Variants in TAF10 observed in about 807,000 individuals in gnomAD.
TAF10 encodes TATA-box binding protein associated factor 10.
In TAF10, 2 loss-of-function variants were observed where a neutral mutation model predicts 18.1. The ratio of observed to expected loss-of-function variants is 0.11; its 90% CI spans 0.05 to 0.35. The LOEUF is 0.35. Among genes scored for constraint, TAF10 ranks in the 10% least tolerant of loss-of-function variants. TAF10 has a pLI of 1.00. For missense variants in TAF10, 293 were observed against 306.9 expected (o/e 0.95, Z 0.34); for synonymous variants, 158 against 134.6 (o/e 1.17, Z -1.20).
Position 6,609,629 on chromosome 11 carries a change from T to C in TAF10, c.*1293A>G, listed in dbSNP as rs762044821. The C allele has an allele frequency of 4.3e-6, 7 of 1,614,072 alleles. No individual in the cohort carries two copies. The East Asian group carries it at 1.1e-4, about 26-fold the overall frequency. On this transcript the variant is annotated 3_prime_UTR_variant, in exon 5 of 5. Transcript: ENST00000299424. ...ATGGATCCCTCTACAATGTACTACA[T>C]GAAGGCACCAGTGAGTAGGGATGTT...
chr11:6,609,198 T>C lies in TAF10; in HGVS notation c.*1724A>G, dbSNP rs748636699. ...TTGCCCTTCCCTCACTAAACCCCCATAAATTACTTGCTTTGTACCTGTTTT... is the reference window on the plus strand; with the variant it reads ...TTGCCCTTCCCTCACTAAACCCCCACAAATTACTTGCTTTGTACCTGTTTT... On this transcript the variant is annotated 3_prime_UTR_variant, in exon 5 of 5. Coordinates refer to ENST00000299424, the MANE Select transcript of TAF10 (RefSeq NM_006284.4). 53 of 1,599,764 alleles carry C rather than the reference T, an allele frequency of 3.3e-5. No homozygotes were observed. In the East Asian group the frequency reaches 1.1e-3, roughly 33 times the overall value.
chr11:6,610,078 CAGA>C lies in TAF10; in HGVS notation c.*841_*843del, dbSNP rs760605987. On this transcript the variant is annotated 3_prime_UTR_variant, in exon 5 of 5. Coordinates refer to ENST00000299424, the MANE Select transcript of TAF10 (RefSeq NM_006284.4). The stretch of plus-strand genomic sequence containing the variant: ...GTCGGGAGGTAAAAAAGGACCACCT[CAGA>C]AGTAGTGGAAGGGGGCAGAGACAGG... 3 of 1,614,092 alleles carry C rather than the reference CAGA, an allele frequency of 1.9e-6. No homozygotes were observed. Among genetic ancestry groups the C allele is most frequent in the Admixed American group, 3.3e-5 (2 of 60,022 alleles).
chr11:6,610,222 C>A lies in TAF10; in HGVS notation c.*700G>T. The A allele has an allele frequency of 3.7e-6, 6 of 1,614,232 alleles. No homozygotes were observed. The highest frequency in any genetic ancestry group is 5.1e-6 in the Non-Finnish European group (6 of 1,180,048). On this transcript the variant is annotated 3_prime_UTR_variant, in exon 5 of 5. Transcript: ENST00000299424. ...GAGTTTTGCAGTGCTTCTGTGGGAA[C>A]TGGTGACACGGGAGGTACCCTTTGC...
intron 1 of TAF10, 64 bp downstream of exon 1, chr11:6,611,893 GC>G (rs1465958600): frequency 5.1e-6 from 8 of 1,555,298 alleles, no homozygotes; most frequent in Non-Finnish European, 6.9e-6. Flanking sequence ...TATACCCTCT[GC>G]CCTCACCCGC....
intron 4 of TAF10, 59 bp from the exon 5 acceptor site, chr11:6,611,070 TG>T (rs944899816): frequency 6.2e-7 from 1 of 1,600,594 alleles, no homozygotes; most frequent in African/African-American, 1.3e-5. Flanking sequence ...CAATCCCAGA[TG>T]GGTGACCCTG....
Position 6,611,791 on chromosome 11 carries a change from G to A in TAF10, c.260C>T (p.Pro87Leu), listed in dbSNP as rs775610021. 1.0e-5 allele frequency: 16 copies of A among 1,603,588 alleles called. No homozygotes were observed. The East Asian group carries it at 1.6e-4, about 16-fold the overall frequency. The change falls in exon 2 of 5, where the codon CCC (proline) becomes CTC (leucine). Residue 87 changes from proline to leucine, a missense_variant. Physicochemically the swap from Pro to Leu is moderately conservative, Grantham distance 98. Coordinates refer to ENST00000299424, the MANE Select transcript of TAF10 (RefSeq NM_006284.4). ...AAPVSAGGAA[P>L]PEGAISNGVY... ...CCCGTTAGATATGGCCCCCTCCGGG[G>A]GCGCCGCGCCACCCGCCGACACCGG...
rs1257374860 is a variant in TAF10 at position 6,610,173 on chromosome 11, A to C, written c.*749T>G. On this transcript the variant is annotated 3_prime_UTR_variant, in exon 5 of 5. Coordinates refer to ENST00000299424, the MANE Select transcript of TAF10 (RefSeq NM_006284.4). ...CTCTGCAGAAGAAGCCTGAAGACAC[A>C]AACAGACGCTCAGCAGACATGTGGA... is the stretch of plus-strand genomic sequence containing the variant. 2 of 1,614,232 alleles carry C rather than the reference A, an allele frequency of 1.2e-6. No homozygotes were observed. The highest frequency in any genetic ancestry group is 1.7e-6 in the Non-Finnish European group (2 of 1,180,032).
At position 6,608,589 on chromosome 11, in the gene TAF10, T is replaced by C. The variant is rs1855176078; in HGVS notation, c.*2333A>G. The stretch of plus-strand genomic sequence containing the variant: ...TCAACCCATTCTGTCAGTACTACTG[T>C]GTGACACTTACAGGATTAAGTTCTA... On this transcript the variant is annotated 3_prime_UTR_variant, in exon 5 of 5. Transcript: ENST00000299424. This position sits in a 1 kb window ranked among gnomAD's most constrained non-coding sequence, Gnocchi z 4.9. 1.4e-5 allele frequency: 19 copies of C among 1,328,842 alleles called. No individual in the cohort carries two copies. The South Asian group carries it at 2.2e-4, about 16-fold the overall frequency. The allele number at this position is 1,328,842 out of a possible 1,614,324, so 82.3% of individuals were successfully genotyped here. A position where few individuals can be genotyped will look rare whatever the true frequency, so the allele number is the denominator to read the frequency against.
Position 6,609,374 on chromosome 11 carries a change from A to G in TAF10, c.*1548T>C. ...GGTTCGAGACTGGAGTACAAGGAAG[A>G]GCAGGGACTTCAATGAAGAGTGTCC... On this transcript the variant is annotated 3_prime_UTR_variant, in exon 5 of 5. Coordinates refer to ENST00000299424, the MANE Select transcript of TAF10 (RefSeq NM_006284.4). 1 of 1,614,094 alleles carries G rather than the reference A, an allele frequency of 6.2e-7. No individual in the cohort carries two copies. The highest frequency in any genetic ancestry group is 8.5e-7 in the Non-Finnish European group (1 of 1,180,024).
Position 6,608,165 on chromosome 11 carries a change from C to T in TAF10, c.*2757G>A, listed in dbSNP as rs1306619165. ...GTAATGAACCGTGGGGATGACACCC[C>T]CCTGCATCTGGCAGCCAGTCATGGA... On this transcript the variant is annotated 3_prime_UTR_variant, in exon 5 of 5. Transcript: ENST00000299424. The surrounding 1 kb of genome is among the most constrained non-coding windows in gnomAD (Gnocchi z 4.9). The T allele has an allele frequency of 6.2e-7, 1 of 1,614,034 alleles. No homozygotes were observed. The highest frequency in any genetic ancestry group is 8.5e-7 in the Non-Finnish European group (1 of 1,180,042).
Position 6,608,298 on chromosome 11 carries a change from G to C in TAF10, c.*2624C>G. The stretch of plus-strand genomic sequence containing the variant: ...CTGTAACATACAGTAGAAAGCATGT[G>C]TGCTCTTCCCCCTTTTCCCATGCCC... On this transcript the variant is annotated 3_prime_UTR_variant, in exon 5 of 5. Transcript: ENST00000299424. The surrounding 1 kb of genome is among the most constrained non-coding windows in gnomAD (Gnocchi z 4.9). 5 of 1,572,768 alleles carry C rather than the reference G, an allele frequency of 3.2e-6. No individual in the cohort carries two copies. The highest frequency in any genetic ancestry group is 4.4e-6 in the Non-Finnish European group (5 of 1,142,408).
chr11:6,611,905 C>A, intron 1 of TAF10, 53 bp downstream of exon 1: 1 of 1,570,608 alleles, frequency 6.4e-7, no homozygotes, highest in African/African-American at 1.4e-5. Context: ...CCTCACCCGC[C>A]GCTGGACCCA....
rs781296730 is a variant in TAF10, at chr11:6,608,119, A to G, written c.*2803T>C. The G allele has an allele frequency of 2.5e-6, 4 of 1,614,038 alleles. No individual in the cohort carries two copies. The highest frequency in any genetic ancestry group is 3.4e-6 in the Non-Finnish European group (4 of 1,180,022). ...CTCTGCTGTGGTTGAGATGTTGATC[A>G]TGCGGGGGGCACGGATCAATGTAAT... On this transcript the variant is annotated 3_prime_UTR_variant, in exon 5 of 5. Coordinates refer to ENST00000299424, the MANE Select transcript of TAF10 (RefSeq NM_006284.4). This position sits in a 1 kb window ranked among gnomAD's most constrained non-coding sequence, Gnocchi z 4.9.
Position 6,607,900 on chromosome 11 carries a change from A to T in TAF10, c.*3022T>A, listed in dbSNP as rs1274852452. On this transcript the variant is annotated 3_prime_UTR_variant, in exon 5 of 5. Transcript: ENST00000299424. ...GCTCAGGGGAAGGTCTGAAATGGAC[A>T]GCTTTGGGAGTTGCTGGCATGAATG... is the stretch of plus-strand genomic sequence containing the variant. 3.8e-6 allele frequency: 3 copies of T among 784,768 alleles called. No individual in the cohort carries two copies. Among genetic ancestry groups the T allele is most frequent in the Non-Finnish European group, 6.3e-6 (3 of 476,536 alleles). 48.6% of individuals were successfully genotyped at this position (784,768 alleles called of 1,614,324 possible).
intron 2 of TAF10, 104 bp from the exon 3 acceptor site, chr11:6,611,556 A>C: frequency 1.3e-6 from 2 of 1,595,334 alleles, no homozygotes; most frequent in Admixed American, 3.4e-5. Context: ...GCAGAGGGCA[A>C]ACACAGAAGA....
rs752932911 is a variant in TAF10, at chr11:6,608,195, G to A, written c.*2727C>T. 6 of 1,614,182 alleles carry A rather than the reference G, an allele frequency of 3.7e-6. No individual in the cohort carries two copies. The highest frequency in any genetic ancestry group is 1.7e-5 in the Admixed American group (1 of 60,028). ...CATCTGGCAGCCAGTCATGGACACC[G>A]TGATATTGTACAGAAGGTACGTACA... On this transcript the variant is annotated 3_prime_UTR_variant, in exon 5 of 5. Coordinates refer to ENST00000299424, the MANE Select transcript of TAF10 (RefSeq NM_006284.4). This position sits in a 1 kb window ranked among gnomAD's most constrained non-coding sequence, Gnocchi z 4.9.
In TAF10 at chr11:6,607,839, G is replaced by A. The variant is rs1427639904; in HGVS notation, c.*3083C>T. 1.7e-5 allele frequency: 10 copies of A among 593,138 alleles called. No individual in the cohort carries two copies. Among genetic ancestry groups the A allele is most frequent in the Non-Finnish European group, 2.1e-5 (7 of 331,742 alleles). The allele number at this position is 593,138 out of a possible 1,614,324, so 36.7% of individuals were successfully genotyped here. On this transcript the variant is annotated 3_prime_UTR_variant, in exon 5 of 5. Coordinates refer to ENST00000299424, the MANE Select transcript of TAF10 (RefSeq NM_006284.4). ...GAAGATAACACATTTTTTTATAGAG[G>A]TTGTTGAGATATCTAGGTGGTTGGT...
rs1855277467 is a variant in TAF10 at position 6,609,441 on chromosome 11, T to C, written c.*1481A>G. 1.2e-6 allele frequency: 2 copies of C among 1,613,662 alleles called. No individual in the cohort carries two copies. The highest frequency in any genetic ancestry group is 2.2e-5 in the East Asian group (1 of 44,888). ...AAGGCGTAACCTGGAAGCTGCTAGT[T>C]CCAAGGAACCCTGAATAGCACTGAA... On this transcript the variant is annotated 3_prime_UTR_variant, in exon 5 of 5. Transcript: ENST00000299424.
Position 6,611,298 on chromosome 11 carries a change from C to T in TAF10, c.458G>A (p.Arg153Gln). Residue 153 changes from arginine (R) to glutamine (Q), a missense_variant, in exon 4 of 5, where the codon CGG becomes CAG. Arg to Gln is a conservative substitution (Grantham distance 43, BLOSUM62 1). Transcript: ENST00000299424. ...GFEASDPRII[R>Q]LISLAAQKFI... is the part of the protein sequence containing the mutation. ...TTTCTGGGCAGCTAAGGAGATGAGC[C>T]GAATTCTAGAGAGAAAAAACTTAGA... 1 of 1,613,996 alleles carries T rather than the reference C, an allele frequency of 6.2e-7. No individual in the cohort carries two copies. Among genetic ancestry groups the T allele is most frequent in the Non-Finnish European group, 8.5e-7 (1 of 1,180,010 alleles).
Sources: gnomAD v4.1 joint callset for allele counts on GRCh38, gnomAD v4.1.1 for gene constraint, Gnocchi (gnomAD v3.1) non-coding constraint, MANE v1.5 for transcripts, NCBI Gene and HGNC (gene_info 2026-07-23, HGNC 2026-07-21) for gene names.